ABCB9: variants seen among roughly 807,000 people sequenced by gnomAD.
ABCB9 encodes the protein ATP binding cassette subfamily B member 9.
Under a neutral mutation model 62.0 loss-of-function variants are expected in ABCB9, and 36 were observed. That is an observed-to-expected ratio of 0.58 (90% CI 0.45 to 0.77). The LOEUF (loss-of-function observed/expected upper bound fraction) is 0.77, where lower values mean the gene tolerates loss of function less well. ABCB9 is among the 30% of genes least tolerant of loss of function. ABCB9 has a pLI of 0.00. For missense variants in ABCB9, 943 were observed against 1,054.7 expected (o/e 0.89, Z 1.47); for synonymous variants, 435 against 461.4 (o/e 0.94, Z 0.73).
rs894621664 is a variant in ABCB9 at position 122,947,286 on chromosome 12, T to G, written c.1054-1064A>C. 1.3e-5 allele frequency among the ~76,000 whole-genome samples: 2 copies of G among 152,144 alleles called. No homozygotes were observed. Among genetic ancestry groups the G allele is most frequent in the African/African-American group, 4.8e-5 (2 of 41,430 alleles). On this transcript the variant is annotated intron_variant, in intron 5 of 11. Coordinates refer to ENST00000280560, the MANE Select transcript of ABCB9 (RefSeq NM_019625.4). The surrounding 1 kb of genome is among the most constrained non-coding windows in gnomAD (Gnocchi z 6.0). The stretch of plus-strand genomic sequence containing the variant: ...CTCAGACTCTAAAGAATAGATTTAC[T>G]TTCTCATCTCAGTGAGGACGGTGGG...
intron 1 of ABCB9, chr12:122,974,690 G>C (rs1403830584): frequency 6.6e-6 from 1 of 152,310 alleles, no homozygotes; most frequent in Non-Finnish European, 1.5e-5. Flanking sequence ...AATGCGAGAC[G>C]GAGCGTTTTG....
In ABCB9 at chr12:122,944,480, C is replaced by T. The variant is rs1362378853; in HGVS notation, c.1291G>A (p.Gly431Arg). The change falls in exon 7 of 12, where the codon GGG (glycine) becomes AGG (arginine). Residue 431 changes from glycine to arginine, a missense_variant. Physicochemically the swap from Gly to Arg is moderately radical, Grantham distance 125. Coordinates refer to ENST00000280560, the MANE Select transcript of ABCB9 (RefSeq NM_019625.4). This position sits in a 1 kb window ranked among gnomAD's most constrained non-coding sequence, Gnocchi z 4.9. ...TGGCCTGAGATGACAAGGTGGCCCC[C>T]GTAGTAGAGGATGCTGACCTGGACC... ...LVVQVSILYYGGHLVISGQMT... is the reference protein window; with the variant it reads ...LVVQVSILYYRGHLVISGQMT... The T allele has an allele frequency of 5.0e-6, 8 of 1,614,026 alleles. No individual in the cohort carries two copies. Among genetic ancestry groups the T allele is most frequent in the East Asian group, 2.2e-5 (1 of 44,874 alleles).
At chr12:122,968,258 A>G (rs1361332309), upstream of ABCB9, among the ~76,000 whole-genome samples, 1 of 152,256 alleles carries the variant, frequency 6.6e-6, no homozygotes, top group Non-Finnish European at 1.5e-5. Context: ...GGAGTCACTC[A>G]GAGCTGGGCT....
downstream of ABCB9, among the ~76,000 whole-genome samples, chr12:122,924,112 C>T (rs1304238906): frequency 2.0e-5 from 3 of 152,198 alleles, no homozygotes; most frequent in Admixed American, 6.5e-5. Context: ...CTGAGTCTGC[C>T]ATCTTCCTGG....
chr12:122,932,260 C>T lies in ABCB9; in HGVS notation c.1972G>A (p.Val658Met). ...AGGATGAGGACTGGGGGGTTCCGCA[C>T]CAGAGCCCGGGCCATGGCCACCCGC... ...KQRVAMARAL[V>M]RNPPVLILDE... The change falls in exon 11 of 12, where the codon GTG (valine) becomes ATG (methionine). Residue 658 changes from valine to methionine, a missense_variant. Coordinates refer to ENST00000280560, the MANE Select transcript of ABCB9 (RefSeq NM_019625.4). The surrounding 1 kb of genome is among the most constrained non-coding windows in gnomAD (Gnocchi z 4.7). 1 of 1,551,646 alleles carries T rather than the reference C, an allele frequency of 6.4e-7. No homozygotes were observed. The highest frequency in any genetic ancestry group is 8.7e-7 in the Non-Finnish European group (1 of 1,147,274).
intron 9 of ABCB9, chr12:122,939,362 A>T (rs2035621544): frequency 6.6e-6 from 1 of 152,294 alleles, no homozygotes; most frequent in South Asian, 2.1e-4. Flanking sequence ...TCACGATTCT[A>T]CCCAGATGAA....
Position 122,959,760 on chromosome 12 carries a change from G to A in ABCB9, c.476C>T (p.Pro159Leu). The A allele has an allele frequency of 6.2e-7, 1 of 1,611,982 alleles. No individual in the cohort carries two copies. Among genetic ancestry groups the A allele is most frequent in the Non-Finnish European group, 8.5e-7 (1 of 1,179,258 alleles). Residue 159 changes from proline (P) to leucine (L), a missense_variant, in exon 2 of 12, where the codon CCT becomes CTT. Pro to Leu is a moderately conservative substitution (Grantham distance 98). Transcript: ENST00000280560. The surrounding 1 kb of genome is among the most constrained non-coding windows in gnomAD (Gnocchi z 5.4). ...PGAATEAEGF[P>L]GSGRPPPEQA... ...CTCGGGCGGTGGCCGGCCGCTCCCA[G>A]GGAAGCCCTCAGCCTCGGTGGCCGC...
At chr12:122,968,015 A>T (rs1180903298), upstream of ABCB9, among the ~76,000 whole-genome samples, 1 of 152,216 alleles carries the variant, frequency 6.6e-6, no homozygotes, top group African/African-American at 2.4e-5. Flanking sequence ...ATACCCTTCC[A>T]TAGGGAACTG....
At chr12:122,919,735 C>T (rs1215232814), downstream of ABCB9, among the ~76,000 whole-genome samples, 1 of 152,054 alleles carries the variant, frequency 6.6e-6, no homozygotes, top group Non-Finnish European at 1.5e-5. Flanking sequence ...AGCACAGTTT[C>T]TGGTAGACGG....
At chr12:122,974,246 T>C (rs2037343341) in intron 1 of ABCB9, among the ~76,000 whole-genome samples, 1 of 152,032 alleles carries the variant, frequency 6.6e-6, no homozygotes, top group South Asian at 2.1e-4. Context: ...AATGGATCCT[T>C]TCCTAGATAG....
chr12:122,942,533 A>C lies in ABCB9; in HGVS notation c.1381-1538T>G, dbSNP rs374956888. ...ACTGGGGAGGATGAGGCAGGAGAAT[A>C]GCTTGAACCCGGGAGGCAGGGGTTG... On this transcript the variant is annotated intron_variant, in intron 7 of 11. Transcript: ENST00000280560. Among the ~76,000 whole-genome samples, 14 of 150,552 alleles carry C rather than the reference A, an allele frequency of 9.3e-5. No individual in the cohort carries two copies. The South Asian group carries it at 1.5e-3, about 16-fold the overall frequency.
intron 11 of ABCB9, among the ~76,000 whole-genome samples, chr12:122,931,153 T>C (rs1348344318): frequency 6.6e-6 from 1 of 152,012 alleles, no homozygotes; most frequent in Non-Finnish European, 1.5e-5. Flanking sequence ...GCCTCCCAAG[T>C]AGCTAGGATT....
At position 122,929,947 on chromosome 12, in the gene ABCB9, G is replaced by A. The variant is rs778980983; in HGVS notation, c.2265C>T (p.His755=). The change falls in exon 12 of 12, where the codon CAC becomes CAT. Residue 755 remains histidine (H), a synonymous_variant. Transcript: ENST00000280560. The surrounding 1 kb of genome is among the most constrained non-coding windows in gnomAD (Gnocchi z 6.0). Reference sequence around the variant, plus strand: ...GACTGCCGTTGGCTACAGGCTCGTTGTGGCCAGCTGTGAAGTCTGCGGCGG... The same window carrying A: ...GACTGCCGTTGGCTACAGGCTCGTTATGGCCAGCTGTGAAGTCTGCGGCGG... ...LQPAADFTAG[H]NEPVANGSHK... 12 of 1,571,322 alleles carry A rather than the reference G, an allele frequency of 7.6e-6. No individual in the cohort carries two copies. The highest frequency in any genetic ancestry group is 3.6e-4 in the Middle Eastern group (2 of 5,618).
chr12:122,940,173 C>G lies in ABCB9; in HGVS notation c.1681G>C (p.Gly561Arg), dbSNP rs750183772. Residue 561 changes from glycine (G) to arginine (R), a missense_variant, in exon 9 of 12, where the codon GGC becomes CGC. Transcript: ENST00000280560. The surrounding 1 kb of genome is among the most constrained non-coding windows in gnomAD (Gnocchi z 4.8). ...ILENFYPLEG[G>R]RVLLDGKPIS... ...GGCTTGCCGTCCAGCAGCACCCGGC[C>G]CCCCTCCAGGGGGTAGAAGTTCTCC... is the stretch of plus-strand genomic sequence containing the variant. The G allele has an allele frequency of 6.2e-7, 1 of 1,613,760 alleles. No individual in the cohort carries two copies. The highest frequency in any genetic ancestry group is 1.1e-5 in the South Asian group (1 of 91,004).
chr12:122,950,724 G>A (rs908769388), intron 2 of ABCB9, 159 bp from the exon 3 acceptor site: 2 of 599,390 alleles, frequency 3.3e-6, no homozygotes, highest in Non-Finnish European at 5.9e-6. Context: ...GGGCCCCAGG[G>A]TGCTTAATGC....
chr12:122,953,051 C>T (rs181446193), intron 2 of ABCB9: 1 of 152,324 alleles, frequency 6.6e-6, no homozygotes, highest in East Asian at 1.9e-4. Flanking sequence ...CCCACAAGGA[C>T]CTGCATGATT....
At chr12:122,965,952 G>C (rs1252890258) in intron 1 of ABCB9, among the ~76,000 whole-genome samples, 1 of 152,266 alleles carries the variant, frequency 6.6e-6, no homozygotes, top group Admixed American at 6.5e-5. Context: ...TGGACAGTGG[G>C]AGCCCTCAGA....
At chr12:122,966,189 G>C (rs866786721) in intron 1 of ABCB9, 98 bp downstream of exon 1, 2 of 152,356 alleles carry the variant, frequency 1.3e-5, no homozygotes, top group Non-Finnish European at 2.9e-5. Context: ...TATTCCCACC[G>C]AGGCAGGGGT....
At chr12:122,965,409 G>T (rs1040656503) in intron 1 of ABCB9, among the ~76,000 whole-genome samples, 3 of 152,232 alleles carry the variant, frequency 2.0e-5, no homozygotes, top group African/African-American at 4.8e-5. Context: ...ACTGACAGAG[G>T]CCTGCTGGGT....
Sources: allele counts gnomAD v4.1 joint callset (sites outside exome capture counted in the v4.1 genomes callset), GRCh38; gene constraint gnomAD v4.1.1; non-coding constraint Gnocchi (gnomAD v3.1); transcripts MANE v1.5; gene names NCBI Gene and HGNC (gene_info 2026-07-23, HGNC 2026-07-21).